Variants in ATPSCKMT observed in about 807,000 individuals in gnomAD.
ATPSCKMT encodes the protein ATP synthase c subunit lysine N-methyltransferase, also known as ATP synthase subunit C lysine N-methyltransferase.
In ATPSCKMT, 24 loss-of-function variants were observed where a neutral mutation model predicts 24.3. The observed-to-expected ratio is 0.99, with a 90% CI of 0.71 to 1.39. The LOEUF is 1.39. Ranked by LOEUF, ATPSCKMT falls within the 40% of genes most tolerant of loss-of-function variation. ATPSCKMT has a pLI of 0.00. For missense variants in ATPSCKMT, 311 were observed against 298.4 expected (o/e 1.04, Z -0.31); for synonymous variants, 95 against 110.5 (o/e 0.86, Z 0.88).
In ATPSCKMT at chr5:10,226,981, C is replaced by T. The variant is rs1743908351; in HGVS notation, c.*460G>A. ...AATGTTATAAAATATAAACGCCTCTCTGAATCCTTTAGAAAATTAATTTTG... is the reference window on the plus strand; with the variant it reads ...AATGTTATAAAATATAAACGCCTCTTTGAATCCTTTAGAAAATTAATTTTG... On this transcript the variant is annotated 3_prime_UTR_variant, in exon 5 of 5. Coordinates refer to ENST00000511437, the MANE Select transcript of ATPSCKMT (RefSeq NM_199133.4). 6.2e-6 allele frequency: 1 copy of T among 161,610 alleles called. No individual in the cohort carries two copies. Among genetic ancestry groups the T allele is most frequent in the African/African-American group, 2.4e-5 (1 of 41,492 alleles). The allele number at this position is 161,610 out of a possible 1,614,324, so 10.0% of individuals were successfully genotyped here. A position where few individuals can be genotyped will look rare whatever the true frequency, so the allele number is the denominator to read the frequency against.
At chr5:10,232,372 G>A (rs747251297) in intron 4 of ATPSCKMT, among the ~76,000 whole-genome samples, 5 of 152,178 alleles carry the variant, frequency 3.3e-5, no homozygotes, top group African/African-American at 4.8e-5. Context: ...CCAGTGCTGC[G>A]GTGCTGGAGG....
intron 1 of ATPSCKMT, 194 bp downstream of exon 1, chr5:10,249,664 G>C (rs915961871): frequency 2.3e-6 from 2 of 859,642 alleles, no homozygotes; most frequent in South Asian, 2.2e-5. Flanking sequence ...CCGCCGACAA[G>C]GATCGCCAGA....
chr5:10,235,095 T>C, intron 4 of ATPSCKMT, 116 bp downstream of exon 4: 1 of 795,186 alleles, frequency 1.3e-6, no homozygotes, highest in Non-Finnish European at 2.1e-6. Context: ...AAATCCAGTG[T>C]TCCCTAAAAT....
Position 10,243,990 on chromosome 5 carries a change from C to A in ATPSCKMT, c.17-4634G>T, listed in dbSNP as rs1744765334. Among the ~76,000 whole-genome samples the A allele has an allele frequency of 2.0e-5, 3 of 152,156 alleles. No homozygotes were observed. The South Asian group carries it at 6.2e-4, about 32-fold the overall frequency. ...CTAAGCTTAATAATTTCTAGCTTTT[C>A]ATTTAAAATGGTAGAAGTGTGACTC... On this transcript the variant is annotated intron_variant, in intron 1 of 4. Coordinates refer to ENST00000511437, the MANE Select transcript of ATPSCKMT (RefSeq NM_199133.4).
At chr5:10,233,222 C>T (rs949746401) in intron 4 of ATPSCKMT, among the ~76,000 whole-genome samples, 2 of 152,146 alleles carry the variant, frequency 1.3e-5, no homozygotes, top group Non-Finnish European at 2.9e-5. Context: ...CACCCAGCCA[C>T]GGCTGGGATG....
chr5:10,239,137 T>G lies in ATPSCKMT; in HGVS notation c.236A>C (p.Glu79Ala), dbSNP rs762169587. Residue 79 changes from glutamate (E) to alanine (A), a missense_variant, in exon 2 of 5, where the codon GAA becomes GCA. Glu to Ala is a moderately radical substitution (Grantham distance 107). Coordinates refer to ENST00000511437, the MANE Select transcript of ATPSCKMT (RefSeq NM_199133.4). ...GCATCGCAACATTTTCACAACATTT[T>G]CAATCTGCTTCGTAGTTGCAGGTAC... is the stretch of plus-strand genomic sequence containing the variant. ...PFVPATTKQI[E>A]NVVKMLRCRR... 1.9e-6 allele frequency: 3 copies of G among 1,614,082 alleles called. No individual in the cohort carries two copies. The highest frequency in any genetic ancestry group is 1.6e-4 in the Middle Eastern group (1 of 6,084).
chr5:10,246,513 T>C (rs1038625795), intron 1 of ATPSCKMT, among the ~76,000 whole-genome samples: 20 of 152,252 alleles, frequency 1.3e-4, no homozygotes, highest in African/African-American at 4.6e-4. Flanking sequence ...AATTGTATAG[T>C]GTGTGGACTT....
chr5:10,247,996 G>A (rs150562304), intron 1 of ATPSCKMT, among the ~76,000 whole-genome samples: 2,772 of 152,254 alleles, frequency 0.018, 33 homozygotes, highest in Non-Finnish European at 0.031. Flanking sequence ...TGTACAATAA[G>A]GTACCCAAGG....
chr5:10,245,549 C>T (rs751627496), intron 1 of ATPSCKMT, among the ~76,000 whole-genome samples: 1 of 152,020 alleles, frequency 6.6e-6, no homozygotes, highest in African/African-American at 2.4e-5. Context: ...AGTTTAAGAC[C>T]AGCCTGGGCA....
At chr5:10,232,889 C>G (rs1171691288) in intron 4 of ATPSCKMT, among the ~76,000 whole-genome samples, 1 of 152,236 alleles carries the variant, frequency 6.6e-6, no homozygotes, top group Admixed American at 6.5e-5. Context: ...CTGCTCTGCA[C>G]TTTGAAAAGA....
At chr5:10,247,346 T>C (rs542827321) in intron 1 of ATPSCKMT, among the ~76,000 whole-genome samples, 1 of 152,188 alleles carries the variant, frequency 6.6e-6, no homozygotes, top group Non-Finnish European at 1.5e-5. Flanking sequence ...GGAAAAACAA[T>C]TGATTCCTTT....
In ATPSCKMT at chr5:10,227,427, A is replaced by C. The variant is rs755830373; in HGVS notation, c.*14T>G. 6.2e-7 allele frequency: 1 copy of C among 1,613,006 alleles called. No homozygotes were observed. The highest frequency in any genetic ancestry group is 8.5e-7 in the Non-Finnish European group (1 of 1,179,590). On this transcript the variant is annotated 3_prime_UTR_variant, in exon 5 of 5. Transcript: ENST00000511437. ...GAAGACTACAATATTTCAGAAAAAC[A>C]CTCCCAGTCAAGTTTATGCTTGAAT... is the stretch of plus-strand genomic sequence containing the variant.
chr5:10,241,725 C>T (rs1252044035), intron 1 of ATPSCKMT, among the ~76,000 whole-genome samples: 2 of 152,134 alleles, frequency 1.3e-5, no homozygotes, highest in Admixed American at 6.5e-5. Flanking sequence ...TGGCATTTTA[C>T]GGAGGAACTT....
chr5:10,241,829 TGTATATAAAA>T (rs1257840887), intron 1 of ATPSCKMT, among the ~76,000 whole-genome samples: 1 of 152,276 alleles, frequency 6.6e-6, no homozygotes, highest in East Asian at 1.9e-4. Context: ...GGTTTCCCAC[TGTATATAAAA>T]GTTATGTTTA....
At chr5:10,229,397 C>A (rs916056817) in intron 4 of ATPSCKMT, among the ~76,000 whole-genome samples, 1 of 152,144 alleles carries the variant, frequency 6.6e-6, no homozygotes, top group Non-Finnish European at 1.5e-5. Flanking sequence ...TTGGCAACAC[C>A]CCACCTGTGA....
intron 1 of ATPSCKMT, among the ~76,000 whole-genome samples, chr5:10,244,160 C>T (rs987179303): frequency 6.6e-6 from 1 of 152,102 alleles, no homozygotes; most frequent in African/African-American, 2.4e-5. Flanking sequence ...ACACATTTAT[C>T]GATTAAGTTC....
At chr5:10,232,856 T>C (rs1744213547) in intron 4 of ATPSCKMT, among the ~76,000 whole-genome samples, 2 of 152,052 alleles carry the variant, frequency 1.3e-5, no homozygotes, top group South Asian at 4.1e-4. Context: ...CACAGAAGGG[T>C]TTTACACAAG....
At chr5:10,232,898 G>A (rs7733026) in intron 4 of ATPSCKMT, among the ~76,000 whole-genome samples, 61,258 of 152,194 alleles carry the variant, frequency 0.4, 13,375 homozygotes, top group Non-Finnish European at 0.49. Flanking sequence ...ACTTTGAAAA[G>A]ATGCTCTCAG....
chr5:10,236,400 TCAG>T, intron 3 of ATPSCKMT, 75 bp downstream of exon 3: 1 of 1,475,910 alleles, frequency 6.8e-7, no homozygotes, highest in Non-Finnish European at 9.2e-7. Flanking sequence ...AATACATTTT[TCAG>T]TTCTCAGTCA....
Sources: allele counts gnomAD v4.1 joint callset (sites outside exome capture counted in the v4.1 genomes callset), GRCh38; gene constraint gnomAD v4.1.1; transcripts MANE v1.5; gene names NCBI Gene and HGNC (gene_info 2026-07-23, HGNC 2026-07-21).